The following RAPGEF1 variants were observed in gnomAD, a reference collection of about 807,000 sequenced individuals.
RAPGEF1 encodes Rap guanine nucleotide exchange factor 1.
In RAPGEF1, 33 loss-of-function variants were observed where a neutral mutation model predicts 143.3. The observed-to-expected ratio is 0.23, with a 90% confidence interval of 0.17 to 0.31. The LOEUF (loss-of-function observed/expected upper bound fraction) is 0.31. RAPGEF1 is among the 10% of genes least tolerant of loss of function. The pLI is 1.00. For synonymous variants in RAPGEF1, 629 were observed against 676.5 expected, an observed-to-expected ratio of 0.93 and a Z score of 1.09; for missense variants, 1,199 against 1,645.4, an observed-to-expected ratio of 0.73 and a Z score of 4.69.
intron 1 of RAPGEF1, among the ~76,000 whole-genome samples, chr9:131,716,486 C>T (rs1210273203): frequency 6.6e-6 from 1 of 152,182 alleles, no homozygotes; most frequent in Non-Finnish European, 1.5e-5. Flanking sequence ...CCTGATGTGG[C>T]CAGGCACTAT....
In RAPGEF1 at chr9:131,583,569, T is replaced by C. The variant is rs934835296; in HGVS notation, c.3414+742A>G. Among the ~76,000 whole-genome samples the C allele has an allele frequency of 3.3e-5, 5 of 151,250 alleles. No individual in the cohort carries two copies. Among genetic ancestry groups the C allele is most frequent in the Non-Finnish European group, 7.4e-5 (5 of 67,738 alleles). ...CAATCCCTGGGTGGCCTGGCTGAAC[T>C]TGGGTCCCTGACATGACCCCTGGGT... On this transcript the variant is annotated intron_variant, in intron 24 of 26. Transcript: ENST00000683357. This position sits in a 1 kb window ranked among gnomAD's most constrained non-coding sequence, Gnocchi z 4.7.
chr9:131,597,602 C>G (rs1188625071), intron 16 of RAPGEF1, among the ~76,000 whole-genome samples: 1 of 152,236 alleles, frequency 6.6e-6, no homozygotes, highest in Admixed American at 6.5e-5. Flanking sequence ...GAGGGAGAGG[C>G]AGGGCACTCT....
chr9:131,592,251 G>T (rs1374156506), intron 17 of RAPGEF1, 68 bp from the exon 18 acceptor site: 3 of 1,279,768 alleles, frequency 2.3e-6, no homozygotes, highest in Non-Finnish European at 3.4e-6. Context: ...AGCCAGGGTG[G>T]ATTTGAGTCC....
At chr9:131,623,429 A>G (rs952282672) in intron 10 of RAPGEF1, among the ~76,000 whole-genome samples, 2 of 152,220 alleles carry the variant, frequency 1.3e-5, no homozygotes, top group Admixed American at 6.5e-5. Context: ...GAAAAAAGAA[A>G]AAGATTAAAC....
chr9:131,729,087 G>A (rs1202283816), intron 1 of RAPGEF1, among the ~76,000 whole-genome samples: 1 of 152,226 alleles, frequency 6.6e-6, no homozygotes, highest in African/African-American at 2.4e-5. Flanking sequence ...TGCACAGATG[G>A]AAAGACAGGG....
intron 1 of RAPGEF1, among the ~76,000 whole-genome samples, chr9:131,654,893 G>C (rs892705171): frequency 2.0e-5 from 3 of 152,156 alleles, no homozygotes; most frequent in African/African-American, 7.2e-5. Context: ...CTTGAAATTG[G>C]CTGAAAATTA....
rs545667569 is a variant in RAPGEF1 at position 131,692,783 on chromosome 9, C to T, written c.62-41834G>A. Among the ~76,000 whole-genome samples, 28 of 152,328 alleles carry T rather than the reference C, an allele frequency of 1.8e-4. 2 individuals are homozygous for T. In the South Asian group the frequency reaches 5.8e-3, roughly 32 times the overall value. On this transcript the variant is annotated intron_variant, in intron 1 of 26. Transcript: ENST00000683357. ...CTTCTACAGAGACTTGATGAAAAAA[C>T]GGATCTGTCATGCCAAACCTAGTCA...
At chr9:131,620,409 G>A (rs577285661) in intron 11 of RAPGEF1, among the ~76,000 whole-genome samples, 5 of 151,978 alleles carry the variant, frequency 3.3e-5, no homozygotes, top group East Asian at 3.9e-4. Context: ...CCTGGCTCTC[G>A]GCAACAGTTC....
chr9:131,600,003 G>A (rs1004177916), intron 15 of RAPGEF1, among the ~76,000 whole-genome samples: 47 of 152,196 alleles, frequency 3.1e-4, no homozygotes, highest in African/African-American at 1.1e-3. Context: ...CTGTAACCCA[G>A]CTACTTGGAG....
chr9:131,660,440 C>CT (rs11390314), intron 1 of RAPGEF1, among the ~76,000 whole-genome samples: 84,283 of 148,824 alleles, frequency 0.57, 23,951 homozygotes, highest in African/African-American at 0.67. Flanking sequence ...TATTTTTTCA[C>CT]TTTTTTTTTT....
chr9:131,613,429 T>C (rs781668373), intron 12 of RAPGEF1, among the ~76,000 whole-genome samples: 16 of 152,108 alleles, frequency 1.1e-4, no homozygotes, highest in Non-Finnish European at 1.9e-4. Flanking sequence ...GGCGACACTA[T>C]AGTCTAGCTG....
At chr9:131,696,870 T>G (rs1480364469) in intron 1 of RAPGEF1, among the ~76,000 whole-genome samples, 1 of 152,244 alleles carries the variant, frequency 6.6e-6, no homozygotes, top group African/African-American at 2.4e-5. Context: ...GAAGGTGCTA[T>G]AATAACATTA....
intron 22 of RAPGEF1, 142 bp downstream of exon 22, chr9:131,587,594 C>A: frequency 1.3e-6 from 1 of 781,130 alleles, no homozygotes; most frequent in Non-Finnish European, 2.1e-6. Context: ...TGTCAGTGCT[C>A]ATGGGAACCC....
intron 25 of RAPGEF1, among the ~76,000 whole-genome samples, chr9:131,580,939 G>C (rs1455912182): frequency 6.6e-6 from 1 of 152,108 alleles, no homozygotes; most frequent in Non-Finnish European, 1.5e-5. Context: ...GAGGTCAGGA[G>C]TTTGAGATCA....
intron 1 of RAPGEF1, among the ~76,000 whole-genome samples, chr9:131,722,066 C>T (rs73544926): frequency 0.024 from 3,667 of 152,160 alleles, 161 homozygotes; most frequent in African/African-American, 0.083. Context: ...AACATTAAAT[C>T]GATAACGCCT....
In RAPGEF1 at chr9:131,739,852, C is replaced by G. The variant is rs1441065174; in HGVS notation, c.-22G>C. The G allele has an allele frequency of 4.9e-6, 5 of 1,014,964 alleles. No individual in the cohort carries two copies. Among genetic ancestry groups the G allele is most frequent in the Non-Finnish European group, 5.9e-6 (5 of 854,360 alleles). The allele number at this position is 1,014,964 out of a possible 1,614,324, so 62.9% of individuals were successfully genotyped here. On this transcript the variant is annotated 5_prime_UTR_variant, in exon 1 of 27. Transcript: ENST00000683357. ...TCATCGGGCCCGGGCCGGGCCGCCG[C>G]GGGGCGACAGGGGCGGCGCGCCCGC...
At chr9:131,633,518 T>C (rs567742785) in intron 5 of RAPGEF1, among the ~76,000 whole-genome samples, 1 of 152,244 alleles carries the variant, frequency 6.6e-6, no homozygotes, top group Non-Finnish European at 1.5e-5. Context: ...TGGTTCTTCA[T>C]TGATTCATGA....
At chr9:131,676,996 G>A (rs1217509518) in intron 1 of RAPGEF1, among the ~76,000 whole-genome samples, 1 of 152,256 alleles carries the variant, frequency 6.6e-6, no homozygotes, top group Non-Finnish European at 1.5e-5. Flanking sequence ...TAAGTTGGAA[G>A]ACCACTGGCC....
chr9:131,613,620 C>A (rs1958399653), intron 12 of RAPGEF1, among the ~76,000 whole-genome samples: 1 of 152,156 alleles, frequency 6.6e-6, no homozygotes, highest in Non-Finnish European at 1.5e-5. Context: ...GGGATTGGGA[C>A]AAGAGGGGCA....
Sources: allele counts gnomAD v4.1 joint callset (sites outside exome capture counted in the v4.1 genomes callset), GRCh38; gene constraint gnomAD v4.1.1; non-coding constraint Gnocchi (gnomAD v3.1); transcripts MANE v1.5; gene names NCBI Gene and HGNC (gene_info 2026-07-23, HGNC 2026-07-21).